The following ENTREP2 variants were observed in gnomAD, a reference collection of about 807,000 sequenced individuals.
The protein encoded by ENTREP2 is endosomal transmembrane epsin interactor 2.
the ENTREP2 span, among the ~76,000 whole-genome samples, chr15:29,612,978 G>A: frequency 5.3e-5 from 8 of 152,152 alleles, no homozygotes; most frequent in South Asian, 2.1e-4. Flanking sequence ...TACGCAGAAC[G>A]AGACTGGTGA....
chr15:29,238,566 C>T, the ENTREP2 span, among the ~76,000 whole-genome samples: 6 of 151,760 alleles, frequency 4.0e-5, no homozygotes, highest in Non-Finnish European at 7.4e-5. Context: ...ACCTGGAAGG[C>T]GGAGGTTGCA....
chr15:29,329,878 A>C, the ENTREP2 span, among the ~76,000 whole-genome samples: 11 of 152,216 alleles, frequency 7.2e-5, no homozygotes, highest in African/African-American at 2.7e-4. Flanking sequence ...ATAGTAAAGA[A>C]GGGACAAATC....
the ENTREP2 span, among the ~76,000 whole-genome samples, chr15:29,469,853 C>G: frequency 1.3e-5 from 2 of 152,112 alleles, no homozygotes; most frequent in Non-Finnish European, 2.9e-5. Flanking sequence ...CCCAGCAGGT[C>G]CCCCGTAAGA....
chr15:29,656,144 G>A, the ENTREP2 span, among the ~76,000 whole-genome samples: 2 of 148,592 alleles, frequency 1.3e-5, no homozygotes, highest in South Asian at 4.2e-4. Context: ...CAAAAATAAA[G>A]AATAAAGAAT....
the ENTREP2 span, among the ~76,000 whole-genome samples, chr15:29,641,795 G>A: frequency 6.9e-6 from 1 of 145,260 alleles, no homozygotes; most frequent in Non-Finnish European, 1.5e-5. Context: ...TTGCGCCACT[G>A]CACTCCACCC....
the ENTREP2 span, among the ~76,000 whole-genome samples, chr15:29,347,636 T>C: frequency 6.6e-6 from 1 of 152,204 alleles, no homozygotes; most frequent in African/African-American, 2.4e-5. Context: ...AAATAGTTTT[T>C]ACCTTAAAAA....
chr15:29,532,086 C>T, the ENTREP2 span, among the ~76,000 whole-genome samples: 4 of 152,192 alleles, frequency 2.6e-5, no homozygotes, highest in Non-Finnish European at 5.9e-5. Context: ...CTATAGTCAC[C>T]ATGTTGTACA....
chr15:29,181,414 G>A, the ENTREP2 span, among the ~76,000 whole-genome samples: 4 of 152,002 alleles, frequency 2.6e-5, no homozygotes, highest in African/African-American at 4.8e-5. Flanking sequence ...ATCTTTCTAG[G>A]CTAGTGTAAA....
chr15:29,589,396 T>C, the ENTREP2 span, among the ~76,000 whole-genome samples: 2 of 152,222 alleles, frequency 1.3e-5, no homozygotes, highest in African/African-American at 4.8e-5. Context: ...TCCTGCACCA[T>C]GACTTTTGTT....
At chr15:29,478,017 ATATTTTTTT>A in the ENTREP2 span, among the ~76,000 whole-genome samples, 2 of 56,952 alleles carry the variant, frequency 3.5e-5, no homozygotes, top group African/African-American at 2.0e-4. Context: ...ATATATATAT[ATATTTTTTT>A]TTTTTTTTTT....
the ENTREP2 span, among the ~76,000 whole-genome samples, chr15:29,655,537 G>A: frequency 6.6e-6 from 1 of 152,160 alleles, no homozygotes; most frequent in East Asian, 1.9e-4. Context: ...CAGTCAAAGA[G>A]AGCAATCAAG....
the ENTREP2 span, among the ~76,000 whole-genome samples, chr15:29,326,048 G>T: frequency 2.0e-5 from 3 of 152,020 alleles, no homozygotes; most frequent in East Asian, 5.8e-4. Context: ...ATTTATGAAA[G>T]AAAATTCTCT....
At chr15:29,201,787 C>T in the ENTREP2 span, among the ~76,000 whole-genome samples, 2 of 152,122 alleles carry the variant, frequency 1.3e-5, no homozygotes, top group South Asian at 4.1e-4. Context: ...GGCAATATTA[C>T]TTTCACAAAA....
chr15:29,605,207 G>C, the ENTREP2 span, among the ~76,000 whole-genome samples: 2 of 152,172 alleles, frequency 1.3e-5, no homozygotes, highest in African/African-American at 4.8e-5. Context: ...CTGGAGCAAA[G>C]AGATTGTCAG....
the ENTREP2 span, chr15:29,268,487 T>C: frequency 2.9e-6 from 1 of 340,654 alleles, no homozygotes; most frequent in Non-Finnish European, 5.2e-6. Flanking sequence ...ACTTATGTGT[T>C]CCTTCTTGCA....
At chr15:29,439,326 CACACACAA>C in the ENTREP2 span, among the ~76,000 whole-genome samples, 3,916 of 116,984 alleles carry the variant, frequency 0.033, 176 homozygotes, top group African/African-American at 0.091. Flanking sequence ...CACACACACA[CACACACAA>C]ACAGTAGAGG....
At chr15:29,276,303 G>A in the ENTREP2 span, among the ~76,000 whole-genome samples, 1 of 152,280 alleles carries the variant, frequency 6.6e-6, no homozygotes, top group East Asian at 1.9e-4. Flanking sequence ...AATCATTAGG[G>A]CCTATTAAGT....
chr15:29,167,777 A>G, the ENTREP2 span, among the ~76,000 whole-genome samples: 1 of 152,184 alleles, frequency 6.6e-6, no homozygotes, highest in Non-Finnish European at 1.5e-5. Flanking sequence ...TAAAGAACTA[A>G]AAGTAGAGCT....
the ENTREP2 span, among the ~76,000 whole-genome samples, chr15:29,549,278 T>C: frequency 7.0e-3 from 1,058 of 151,880 alleles, 9 homozygotes; most frequent in Non-Finnish European, 0.011. Context: ...GTTATACATT[T>C]TTTTTTTTTG....
Sources: gnomAD v4.1 joint callset for allele counts (sites outside exome capture counted in the v4.1 genomes callset) on GRCh38, gnomAD v4.1.1 for gene constraint, MANE v1.5 for transcripts, NCBI Gene and HGNC (gene_info 2026-07-23, HGNC 2026-07-21) for gene names.